DNAH8: variants seen among roughly 807,000 people sequenced by gnomAD.
DNAH8 encodes the protein axonemal beta dynein heavy chain 8.
A neutral mutation model predicts 562.1 loss-of-function variants in DNAH8; 382 were observed. That is an observed-to-expected ratio of 0.68 (90% CI 0.63 to 0.74). DNAH8 has a LOEUF of 0.74. Ranked by LOEUF, DNAH8 falls within the 30% of genes least tolerant of loss-of-function variation. The pLI is 0.00. For synonymous variants in DNAH8, 1,881 were observed against 1,919.4 expected (o/e 0.98, Z 0.52); for missense variants, 5,203 against 5,620.4 (o/e 0.93, Z 2.37).
At chr6:38,722,729 A>G (rs1213817870) in intron 1 of DNAH8, 47 bp from the exon 2 acceptor site, 8 of 1,424,752 alleles carry the variant, frequency 5.6e-6, no homozygotes, top group Non-Finnish European at 7.5e-6. Flanking sequence ...AAAACGTACA[A>G]CACTCAATTT....
At position 38,883,977 on chromosome 6, in the gene DNAH8, G is replaced by A. The variant is rs147418086; in HGVS notation, c.8238G>A (p.Val2746=). Residue 2746 remains valine, a synonymous_variant, in exon 56 of 93, where the codon GTG becomes GTA. Coordinates refer to ENST00000327475, the MANE Select transcript of DNAH8 (RefSeq NM_001206927.2). ...TVFIDDINMP[V]INEWGDQITN... ...TTATTGATGATATTAATATGCCTGT[G>A]ATTAATGAGTGGGGAGATCAGGTAT... 1.3e-6 allele frequency: 2 copies of A among 1,571,680 alleles called. No individual in the cohort carries two copies. Among genetic ancestry groups the A allele is most frequent in the South Asian group, 2.4e-5 (2 of 83,654 alleles).
At chr6:38,834,891 T>A (rs975354553) in intron 32 of DNAH8, among the ~76,000 whole-genome samples, 1 of 152,230 alleles carries the variant, frequency 6.6e-6, no homozygotes. Flanking sequence ...TTATTTTAGT[T>A]CTAAGCATTT....
At chr6:38,734,349 T>A in intron 4 of DNAH8, 125 bp from the exon 5 acceptor site, 9 of 898,236 alleles carry the variant, frequency 1.0e-5, no homozygotes, top group Admixed American at 4.0e-5. Context: ...AAAATTATTC[T>A]ATGACCGTAT....
At chr6:38,875,861 G>A in intron 53 of DNAH8, 33 bp downstream of exon 53, 2 of 1,416,966 alleles carry the variant, frequency 1.4e-6, no homozygotes, top group Non-Finnish European at 2.0e-6. Context: ...TAAATGAAAT[G>A]ACTTTTTTCA....
chr6:38,871,414 A>G (rs896207316), intron 49 of DNAH8, among the ~76,000 whole-genome samples: 6 of 152,230 alleles, frequency 3.9e-5, no homozygotes, highest in Non-Finnish European at 7.3e-5. Flanking sequence ...ATATGCATAC[A>G]GTATACTGAG....
rs115743061 is a variant in DNAH8 at position 38,863,749 on chromosome 6, A to G, written c.6311-124A>G. ...ATTAAATATGTATTTATCAACAGCC[A>G]GATATGAAACTTTACATAATCCCGT... On this transcript the variant is annotated intron_variant, in intron 44 of 92. Transcript: ENST00000327475. 2.3e-4 allele frequency: 161 copies of G among 691,706 alleles called. No individual in the cohort carries two copies. The African/African-American group carries it at 2.8e-3, about 12-fold the overall frequency. 42.8% of individuals were successfully genotyped at this position (691,706 alleles called of 1,614,324 possible).
chr6:38,972,250 AAAAAT>A (rs1265040703), intron 83 of DNAH8, among the ~76,000 whole-genome samples: 1 of 152,212 alleles, frequency 6.6e-6, no homozygotes, highest in Non-Finnish European at 1.5e-5. Flanking sequence ...TACCATTTAT[AAAAAT>A]AAAATAAGAT....
At chr6:38,757,426 T>G (rs1312448293) in intron 10 of DNAH8, among the ~76,000 whole-genome samples, 1 of 151,660 alleles carries the variant, frequency 6.6e-6, no homozygotes, top group Non-Finnish European at 1.5e-5. Flanking sequence ...TATTAGCCCT[T>G]TGTCAGATGA....
rs200737379 is a variant in DNAH8, at chr6:38,780,009, C to T, written c.2083C>T (p.His695Tyr). The T allele has an allele frequency of 6.2e-7, 1 of 1,613,960 alleles. No individual in the cohort carries two copies. The highest frequency in any genetic ancestry group is 8.5e-7 in the Non-Finnish European group (1 of 1,179,958). The change falls in exon 15 of 93, where the codon CAC (histidine) becomes TAC (tyrosine). Residue 695 changes from histidine to tyrosine, a missense_variant. Physicochemically the swap from His to Tyr is moderately conservative, Grantham distance 83 (BLOSUM62 2). Around this residue, in one of 6 missense-constraint regions of DNAH8, gnomAD observed 2,176 missense variants for 2,365.1 expected, o/e 0.92. Transcript: ENST00000327475. ...TCCCTGTCTGGGATTAGAAATAAAC[C>T]ACACAATAGAGCGTATTCTTCAGTA... The part of the protein sequence containing the change: ...NIPCLGLEIN[H>Y]TIERILQYYV...
At chr6:39,023,121 T>A (rs1767033029) in intron 91 of DNAH8, among the ~76,000 whole-genome samples, 2 of 152,214 alleles carry the variant, frequency 1.3e-5, no homozygotes, top group South Asian at 2.1e-4. Flanking sequence ...GTTTCTCCCT[T>A]TGGAGTTAAA....
chr6:38,744,268 G>A (rs1350679776), intron 8 of DNAH8: 4 of 152,206 alleles, frequency 2.6e-5, no homozygotes, highest in Non-Finnish European at 5.9e-5. Context: ...AAGGAGAGGT[G>A]AACTGATCAG....
At position 38,899,817 on chromosome 6, in the gene DNAH8, G is replaced by C; in HGVS notation, c.9105G>C (p.Leu3035=). Residue 3035 remains leucine, a synonymous_variant, in exon 62 of 93, where the codon CTG becomes CTC. Coordinates refer to ENST00000327475, the MANE Select transcript of DNAH8 (RefSeq NM_001206927.2). ...GAACGTCGTGTGGAAATGCATTGCTGGTGGGTGTTGGTGGTTCCGGAAAAC... is the reference window on the plus strand; with the variant it reads ...GAACGTCGTGTGGAAATGCATTGCTCGTGGGTGTTGGTGGTTCCGGAAAAC... ...IIRTSCGNAL[L]VGVGGSGKQS... is the part of the protein sequence containing the mutation. 2 of 1,613,008 alleles carry C rather than the reference G, an allele frequency of 1.2e-6. No homozygotes were observed. The highest frequency in any genetic ancestry group is 1.7e-6 in the Non-Finnish European group (2 of 1,179,576).
chr6:38,926,718 G>A (rs114940603), intron 74 of DNAH8, among the ~76,000 whole-genome samples: 1,959 of 152,216 alleles, frequency 0.013, 36 homozygotes, highest in Middle Eastern at 0.038. Context: ...ACCAATGTGG[G>A]ATATTCAGTG....
chr6:38,826,274 C>T lies in DNAH8; in HGVS notation c.3966C>T (p.Tyr1322=). The change falls in exon 29 of 93, where the codon TAC becomes TAT. Residue 1322 remains tyrosine, a synonymous_variant. Coordinates refer to ENST00000327475, the MANE Select transcript of DNAH8 (RefSeq NM_001206927.2). ...ACATGATAGCATTTATTAATGAATA[C>T]TTGAAAAAGTTATCTAGACCTATTC... The part of the protein sequence containing the change: ...MSYMIAFINE[Y]LKKLSRPIRD... 2.5e-6 allele frequency: 4 copies of T among 1,613,112 alleles called. No individual in the cohort carries two copies. Among genetic ancestry groups the T allele is most frequent in the Non-Finnish European group, 3.4e-6 (4 of 1,179,376 alleles).
intron 91 of DNAH8, among the ~76,000 whole-genome samples, chr6:39,012,911 G>T (rs149726574): frequency 1.1e-4 from 17 of 152,258 alleles, no homozygotes; most frequent in African/African-American, 3.6e-4. Flanking sequence ...CTGGGGTTAG[G>T]ACACATGAAA....
chr6:38,855,853 C>A (rs1382848566), intron 41 of DNAH8, among the ~76,000 whole-genome samples: 1 of 152,126 alleles, frequency 6.6e-6, no homozygotes, highest in Non-Finnish European at 1.5e-5. Flanking sequence ...CACCTCCTGT[C>A]AGATCAACGG....
At position 38,974,482 on chromosome 6, in the gene DNAH8, T is replaced by C; in HGVS notation, c.12787T>C (p.Trp4263Arg). The C allele has an allele frequency of 6.2e-7, 1 of 1,614,020 alleles. No individual in the cohort carries two copies. The highest frequency in any genetic ancestry group is 8.5e-7 in the Non-Finnish European group (1 of 1,179,854). Residue 4263 changes from tryptophan to arginine, a missense_variant, in exon 85 of 93, where the codon TGG becomes CGG. Transcript: ENST00000327475. ...DLLDISNLPM[W>R]KPMLYTVAFL... The stretch of plus-strand genomic sequence containing the variant: ...TCTGGACATCAGTAATTTACCCATG[T>C]GGAAGCCGATGCTTTACACAGTAGC...
intron 62 of DNAH8, among the ~76,000 whole-genome samples, chr6:38,903,942 CA>C (rs1416144967): frequency 6.6e-6 from 1 of 152,006 alleles, no homozygotes; most frequent in Non-Finnish European, 1.5e-5. Context: ...ATGCATTTAT[CA>C]AAATGTAACC....
chr6:38,722,426 T>TC (rs2127563671), intron 1 of DNAH8, among the ~76,000 whole-genome samples: 1 of 150,836 alleles, frequency 6.6e-6, no homozygotes, highest in East Asian at 1.9e-4. Flanking sequence ...GCTCTCATCT[T>TC]TTTTTTTTAG....
Sources: allele counts gnomAD v4.1 joint callset (sites outside exome capture counted in the v4.1 genomes callset), GRCh38; gene constraint gnomAD v4.1.1; regional missense constraint gnomAD v4.1.1; transcripts MANE v1.5; gene names NCBI Gene and HGNC (gene_info 2026-07-23, HGNC 2026-07-21).